The following PNLIP variants were observed in gnomAD, a reference collection of about 807,000 sequenced individuals.
PNLIP encodes pancreatic triacylglycerol lipase.
In PNLIP, 49 loss-of-function variants were observed where a neutral mutation model predicts 57.1. The ratio of observed to expected loss-of-function variants is 0.86; its 90% CI spans 0.68 to 1.09. PNLIP has a LOEUF of 1.09. Ranked by LOEUF, PNLIP falls within the 50% of genes least tolerant of loss-of-function variation. The probability of loss-of-function intolerance (pLI) is 0.00; values close to 1 mark genes in which losing one functional copy is unlikely to be tolerated. For missense variants in PNLIP, 503 were observed against 570.2 expected, an observed-to-expected ratio of 0.88 and a Z score of 1.20; for synonymous variants, 209 against 200.4, an observed-to-expected ratio of 1.04 and a Z score of -0.36.
chr10:116,556,189 T>C (rs979804662), intron 9 of PNLIP, 71 bp downstream of exon 9: 4 of 814,030 alleles, frequency 4.9e-6, no homozygotes, highest in South Asian at 1.4e-5. Context: ...TGCTTTCCTA[T>C]ACATGACATC....
chr10:116,560,377 A>G lies in PNLIP; in HGVS notation c.1061-39A>G, dbSNP rs777621409. 5 of 1,041,648 alleles carry G rather than the reference A, an allele frequency of 4.8e-6. No homozygotes were observed. In the East Asian group the frequency reaches 1.2e-4, roughly 25 times the overall value. 64.5% of individuals were successfully genotyped at this position (1,041,648 alleles called of 1,614,324 possible). On this transcript the variant is annotated intron_variant, in intron 10 of 12. Transcript: ENST00000369221. ...AATTAACTTGTTTTTAGTGTCTTTT[A>G]TCTCCAAACTGACATTTTGCAATTT... is the stretch of plus-strand genomic sequence containing the variant.
Position 116,556,001 on chromosome 10 carries a change from G to A in PNLIP, c.813G>A (p.Gly271=). 6.3e-7 allele frequency: 1 copy of A among 1,586,270 alleles called. No homozygotes were observed. The highest frequency in any genetic ancestry group is 8.7e-7 in the Non-Finnish European group (1 of 1,154,972). The change falls in exon 9 of 13, where the codon GGG becomes GGA. Residue 271 remains glycine (G), a splice_region_variant and synonymous_variant. Transcript: ENST00000369221. ...TGTGTAATTGTGTCTGATTCAAAGG[G>A]ACTCGAGACTTTGCGGCCTGTAATC... ...QIVDIDGIWE[G]TRDFAACNHL...
chr10:116,547,594 CA>C, intron 3 of PNLIP, 146 bp downstream of exon 3: 2 of 636,618 alleles, frequency 3.1e-6, no homozygotes, highest in Non-Finnish European at 5.3e-6. Context: ...GGCGTGGTGG[CA>C]GGCGCCTGTA....
intron 9 of PNLIP, among the ~76,000 whole-genome samples, chr10:116,558,287 T>C (rs1298213575): frequency 2.0e-5 from 3 of 150,542 alleles, no homozygotes; most frequent in African/African-American, 7.3e-5. Context: ...AAGCTCCACC[T>C]CTTGGGTTCA....
chr10:116,555,887 C>T, intron 8 of PNLIP, 113 bp from the exon 9 acceptor site: 1 of 703,336 alleles, frequency 1.4e-6, no homozygotes, highest in East Asian at 2.5e-5. Context: ...GTTCTGTGAC[C>T]TGCATGAGCT....
At position 116,567,751 on chromosome 10, in the gene PNLIP, C is replaced by A. The variant is rs1302507809; in HGVS notation, c.1351C>A (p.Pro451Thr). The A allele has an allele frequency of 1.9e-6, 3 of 1,613,786 alleles. No homozygotes were observed. The highest frequency in any genetic ancestry group is 1.7e-6 in the Non-Finnish European group (2 of 1,179,712). ...TCTCCACAGGTTCAACTTCTGTAGT[C>A]CAGAAACCGTCAGGGAGGAAGTTCT... ...NVGKQFNFCSPETVREEVLLT... is the reference protein window; with the variant it reads ...NVGKQFNFCSTETVREEVLLT... The change falls in exon 13 of 13, where the codon CCA becomes ACA. Residue 451 changes from proline to threonine, a missense_variant. By Grantham distance (38) the Pro-to-Thr change is conservative (BLOSUM62 -1). Coordinates refer to ENST00000369221, the MANE Select transcript of PNLIP (RefSeq NM_000936.4).
At chr10:116,555,339 T>C (rs757634849) in intron 7 of PNLIP, 42 bp downstream of exon 7, 1 of 1,614,176 alleles carries the variant, frequency 6.2e-7, no homozygotes, top group Non-Finnish European at 8.5e-7. Context: ...TTATAGTGTC[T>C]GAGTCTATAT....
intron 10 of PNLIP, among the ~76,000 whole-genome samples, chr10:116,559,904 C>G (rs753840876): frequency 6.6e-6 from 1 of 152,174 alleles, no homozygotes; most frequent in South Asian, 2.1e-4. Flanking sequence ...ACCAAGAAAA[C>G]GTTCTTTTGG....
Position 116,567,760 on chromosome 10 carries a change from G to T in PNLIP, c.1360G>T (p.Val454Phe), listed in dbSNP as rs148560679. 1.8e-5 allele frequency: 29 copies of T among 1,613,856 alleles called. No individual in the cohort carries two copies. Among genetic ancestry groups the T allele is most frequent in the Non-Finnish European group, 2.4e-5 (28 of 1,179,844 alleles). Residue 454 changes from valine (V) to phenylalanine (F), a missense_variant, in exon 13 of 13, where the codon GTC becomes TTC. Coordinates refer to ENST00000369221, the MANE Select transcript of PNLIP (RefSeq NM_000936.4). ...KQFNFCSPET[V>F]REEVLLTLTP... ...GTTCAACTTCTGTAGTCCAGAAACC[G>T]TCAGGGAGGAAGTTCTGCTCACCCT... is the stretch of plus-strand genomic sequence containing the variant.
At position 116,556,060 on chromosome 10, in the gene PNLIP, T is replaced by G; in HGVS notation, c.872T>G (p.Ile291Ser). 1 of 1,614,066 alleles carries G rather than the reference T, an allele frequency of 6.2e-7. No homozygotes were observed. The highest frequency in any genetic ancestry group is 8.5e-7 in the Non-Finnish European group (1 of 1,179,904). ...LRSYKYYTDS[I>S]VNPDGFAGFP... ...AGCTACAAATATTACACTGATAGCA[T>G]CGTCAACCCTGATGGCTTTGCTGGA... Residue 291 changes from isoleucine to serine, a missense_variant, in exon 9 of 13, where the codon ATC becomes AGC. Coordinates refer to ENST00000369221, the MANE Select transcript of PNLIP (RefSeq NM_000936.4).
chr10:116,547,206 C>T (rs1847135045), intron 2 of PNLIP, 88 bp from the exon 3 acceptor site: 1 of 1,276,362 alleles, frequency 7.8e-7, no homozygotes, highest in Non-Finnish European at 1.1e-6. Flanking sequence ...GAAAGTCTAC[C>T]ACACAGTGTA....
At chr10:116,563,579 A>G (rs1847336411) in intron 12 of PNLIP, among the ~76,000 whole-genome samples, 1 of 152,074 alleles carries the variant, frequency 6.6e-6, no homozygotes, top group Non-Finnish European at 1.5e-5. Context: ...AGTCCTTTGT[A>G]TCATTCTTAT....
In PNLIP at chr10:116,552,995, T is replaced by C. The variant is rs188888488; in HGVS notation, c.460-732T>C. Reference sequence around the variant, plus strand: ...TAAAGTCTTCAGCGGTGTGCAGTAATGTCCTAGGCCTTTACATTGCTTACC... The same window carrying C: ...TAAAGTCTTCAGCGGTGTGCAGTAACGTCCTAGGCCTTTACATTGCTTACC... On this transcript the variant is annotated intron_variant, in intron 5 of 12. Coordinates refer to ENST00000369221, the MANE Select transcript of PNLIP (RefSeq NM_000936.4). 6.2e-4 allele frequency among the ~76,000 whole-genome samples: 94 copies of C among 152,368 alleles called. 1 individual carries two copies. The highest frequency in any genetic ancestry group is 2.2e-3 in the African/African-American group (92 of 41,596).
At position 116,551,131 on chromosome 10, in the gene PNLIP, T is replaced by C. The variant is rs1847185739; in HGVS notation, c.358T>C (p.Cys120Arg). 1.2e-6 allele frequency: 2 copies of C among 1,611,738 alleles called. No homozygotes were observed. Among genetic ancestry groups the C allele is most frequent in the Admixed American group, 1.7e-5 (1 of 59,848 alleles). ...CAAGGTGGAAAGTGTGAACTGTATC[T>C]GTGTGGACTGGAAAGGTGGCTCCCG... is the stretch of plus-strand genomic sequence containing the variant. ...LFKVESVNCICVDWKGGSRTG... is the reference protein window; with the variant it reads ...LFKVESVNCIRVDWKGGSRTG... Residue 120 changes from cysteine to arginine, a missense_variant, in exon 5 of 13, where the codon TGT becomes CGT. Physicochemically the swap from Cys to Arg is radical, Grantham distance 180. Coordinates refer to ENST00000369221, the MANE Select transcript of PNLIP (RefSeq NM_000936.4).
rs754724329 is a variant in PNLIP, at chr10:116,559,185, G to T, written c.962G>T (p.Cys321Phe). 6 of 1,613,212 alleles carry T rather than the reference G, an allele frequency of 3.7e-6. No homozygotes were observed. Among genetic ancestry groups the T allele is most frequent in the Non-Finnish European group, 5.1e-6 (6 of 1,179,610 alleles). ...TGTTTCCCTTGTCCAAGTGGAGGCT[G>T]CCCACAGATGGGTCACTATGCTGAT... Reference protein sequence around the residue: ...NKCFPCPSGGCPQMGHYADRY... With the variant: ...NKCFPCPSGGFPQMGHYADRY... Residue 321 changes from cysteine to phenylalanine, a missense_variant, in exon 10 of 13, where the codon TGC (cysteine) becomes TTC (phenylalanine). Transcript: ENST00000369221.
intron 3 of PNLIP, among the ~76,000 whole-genome samples, chr10:116,547,725 C>CAAAAA (rs569977938): frequency 4.0e-4 from 19 of 47,118 alleles, no homozygotes; most frequent in South Asian, 9.0e-4. Context: ...GACTCCATCT[C>CAAAAA]AAAAAAAAAA....
intron 11 of PNLIP, 26 bp downstream of exon 11, chr10:116,560,550 CTTTTTTTT>C: frequency 7.1e-5 from 36 of 504,086 alleles, no homozygotes; most frequent in South Asian, 1.8e-4. Flanking sequence ...TTGCTCTATG[CTTTTTTTT>C]TTTTTTTTTT....
intron 5 of PNLIP, among the ~76,000 whole-genome samples, chr10:116,551,486 C>T (rs1488664843): frequency 2.0e-5 from 3 of 151,950 alleles, no homozygotes; most frequent in Non-Finnish European, 4.4e-5. Context: ...TTAATAAATT[C>T]CACGAGTATT....
intron 12 of PNLIP, among the ~76,000 whole-genome samples, chr10:116,562,023 A>C (rs1024535381): frequency 2.0e-5 from 3 of 152,212 alleles, no homozygotes; most frequent in Admixed American, 2.0e-4. Context: ...GTTTCAAGGA[A>C]TAGAAATAGG....
Sources: allele counts gnomAD v4.1 joint callset (sites outside exome capture counted in the v4.1 genomes callset), GRCh38; gene constraint gnomAD v4.1.1; transcripts MANE v1.5; gene names NCBI Gene and HGNC (gene_info 2026-07-23, HGNC 2026-07-21).